PROS1: variants seen among roughly 807,000 people sequenced by gnomAD.
The protein encoded by PROS1 is protein S, also known as vitamin K-dependent protein S.
Under a neutral mutation model 75.9 loss-of-function variants are expected in PROS1, and 29 were observed. The ratio of observed to expected loss-of-function variants is 0.38; its 90% confidence interval spans 0.28 to 0.52. PROS1 has a LOEUF of 0.52. Ranked by LOEUF, PROS1 falls within the 20% of genes least tolerant of loss-of-function variation. The pLI is 0.83. For missense variants in PROS1, 680 were observed against 810.3 expected, an observed-to-expected ratio of 0.84 and a Z score of 1.95; for synonymous variants, 245 against 280.6, an observed-to-expected ratio of 0.87 and a Z score of 1.27.
chr3:93,958,101 T>A (rs1330851935), intron 1 of PROS1, among the ~76,000 whole-genome samples: 3 of 151,758 alleles, frequency 2.0e-5, no homozygotes, highest in African/African-American at 7.2e-5. Context: ...AAAATAATAA[T>A]AATAAAATAA....
At chr3:93,917,836 G>A (rs1180787471) in intron 3 of PROS1, among the ~76,000 whole-genome samples, 3 of 152,148 alleles carry the variant, frequency 2.0e-5, no homozygotes, top group Non-Finnish European at 4.4e-5. Flanking sequence ...GGCAGGGTTC[G>A]GGACCTGCAG....
chr3:93,956,505 T>G (rs1709601435), intron 1 of PROS1, among the ~76,000 whole-genome samples: 1 of 147,260 alleles, frequency 6.8e-6, no homozygotes, highest in Non-Finnish European at 1.5e-5. Context: ...TGTCTCTCTC[T>G]CTCTCTGTCT....
intron 4 of PROS1, 44 bp from the exon 5 acceptor site, chr3:93,906,187 T>C (rs1708673484): frequency 6.2e-7 from 1 of 1,604,246 alleles, no homozygotes; most frequent in Non-Finnish European, 8.5e-7. Context: ...TCTCATGTCA[T>C]GGAAAAATAA....
At chr3:93,903,816 T>C (rs1472808671) in intron 6 of PROS1, among the ~76,000 whole-genome samples, 2 of 147,142 alleles carry the variant, frequency 1.4e-5, no homozygotes, top group African/African-American at 5.0e-5. Context: ...AATGACAGTC[T>C]TTTTTTTTTT....
At chr3:93,904,709 C>G (rs894688415) in intron 6 of PROS1, among the ~76,000 whole-genome samples, 1 of 151,560 alleles carries the variant, frequency 6.6e-6, no homozygotes, top group Non-Finnish European at 1.5e-5. Flanking sequence ...AATTTTAAGT[C>G]CAGGTGGGAA....
At chr3:93,927,224 A>T (rs758194691) in intron 2 of PROS1, 26 bp downstream of exon 2, 2 of 1,612,008 alleles carry the variant, frequency 1.2e-6, no homozygotes, top group Non-Finnish European at 1.7e-6. Context: ...AGATGTGTGA[A>T]CTTGATAGTT....
At chr3:93,970,859 C>G (rs1054849871) in intron 1 of PROS1, among the ~76,000 whole-genome samples, 2 of 152,062 alleles carry the variant, frequency 1.3e-5, no homozygotes, top group Non-Finnish European at 2.9e-5. Flanking sequence ...TATAAGCCAG[C>G]CATGGTGGTG....
rs1192756928 is a variant in PROS1 at position 93,911,003 on chromosome 3, T to C, written c.260-298A>G. On this transcript the variant is annotated intron_variant, in intron 3 of 14. Coordinates refer to ENST00000394236, the MANE Select transcript of PROS1 (RefSeq NM_000313.4). ...CTTGATTTAGCATAGAAATTTATTG[T>C]CATATAAGTCTATGTTTTTAATTCC... is the stretch of plus-strand genomic sequence containing the variant. 8.5e-6 allele frequency: 3 copies of C among 352,086 alleles called. No homozygotes were observed. The East Asian group carries it at 2.0e-4, about 23-fold the overall frequency. 21.8% of individuals were successfully genotyped at this position (352,086 alleles called of 1,614,324 possible). A position where few individuals can be genotyped will look rare whatever the true frequency, so the allele number is the denominator to read the frequency against.
At chr3:93,953,694 T>C (rs777849296) in intron 1 of PROS1, among the ~76,000 whole-genome samples, 16 of 152,110 alleles carry the variant, frequency 1.1e-4, no homozygotes, top group Non-Finnish European at 2.4e-4. Flanking sequence ...TCTCACCACT[T>C]GTATTCAAAA....
At chr3:93,911,048 G>T (rs1030716139) in intron 3 of PROS1, 5 of 294,058 alleles carry the variant, frequency 1.7e-5, no homozygotes, top group Middle Eastern at 1.2e-3. Flanking sequence ...ACAAGATGTT[G>T]CCCTCAAATC....
chr3:93,964,028 T>G (rs1003911625), intron 1 of PROS1, among the ~76,000 whole-genome samples: 25 of 152,236 alleles, frequency 1.6e-4, no homozygotes, highest in African/African-American at 6.0e-4. Flanking sequence ...AAATTAATAC[T>G]TTTATAATTT....
intron 14 of PROS1, among the ~76,000 whole-genome samples, chr3:93,876,714 A>G (rs1708194831): frequency 6.6e-6 from 1 of 152,094 alleles, no homozygotes; most frequent in Non-Finnish European, 1.5e-5. Context: ...ATGAAATAAA[A>G]TAACATATCC....
chr3:93,884,952 A>G (rs1576175927), intron 11 of PROS1, 56 bp from the exon 12 acceptor site: 4 of 1,426,022 alleles, frequency 2.8e-6, no homozygotes, highest in Middle Eastern at 3.8e-4. Flanking sequence ...CAGTGGCTCG[A>G]TTATGAGTAT....
chr3:93,973,776 G>C lies in PROS1; in HGVS notation c.-27C>G. The C allele has an allele frequency of 6.3e-7, 1 of 1,596,634 alleles. No homozygotes were observed. Among genetic ancestry groups the C allele is most frequent in the East Asian group, 2.3e-5 (1 of 44,282 alleles). Reference sequence around the variant, plus strand: ...TCGAAGCGCGCGGAGGCGCCGGCAGGGACGGTGGCGCGTCGCGGCGGGGAC... The same window carrying C: ...TCGAAGCGCGCGGAGGCGCCGGCAGCGACGGTGGCGCGTCGCGGCGGGGAC... On this transcript the variant is annotated 5_prime_UTR_variant, in exon 1 of 15. Coordinates refer to ENST00000394236, the MANE Select transcript of PROS1 (RefSeq NM_000313.4).
intron 4 of PROS1, among the ~76,000 whole-genome samples, chr3:93,908,332 G>T (rs1004156515): frequency 3.9e-5 from 6 of 152,204 alleles, no homozygotes; most frequent in African/African-American, 1.2e-4. Context: ...ACCTACAATT[G>T]GACCACATTA....
At chr3:93,954,498 A>G (rs1189234806) in intron 1 of PROS1, among the ~76,000 whole-genome samples, 4 of 152,142 alleles carry the variant, frequency 2.6e-5, no homozygotes, top group Non-Finnish European at 5.9e-5. Flanking sequence ...TTTAATAAAT[A>G]GTGCCGGGAA....
At chr3:93,879,665 C>T (rs543016130) in intron 12 of PROS1, among the ~76,000 whole-genome samples, 13 of 152,120 alleles carry the variant, frequency 8.5e-5, no homozygotes, top group South Asian at 2.1e-4. Context: ...TCCAAGCACA[C>T]GTTTGAAAAT....
In PROS1 at chr3:93,896,878, C is replaced by T. The variant is rs1708509204; in HGVS notation, c.850-187G>A. ...CCATTTCCTTGTATAGTCTATCTAT[C>T]AGTATAACCTCCAAGAATACATGTG... On this transcript the variant is annotated intron_variant, in intron 8 of 14. Coordinates refer to ENST00000394236, the MANE Select transcript of PROS1 (RefSeq NM_000313.4). Among the ~76,000 whole-genome samples the T allele has an allele frequency of 2.6e-5, 4 of 152,190 alleles. No homozygotes were observed. The South Asian group carries it at 6.2e-4, about 24-fold the overall frequency.
chr3:93,941,722 G>A (rs1709291140), intron 1 of PROS1, among the ~76,000 whole-genome samples: 1 of 152,108 alleles, frequency 6.6e-6, no homozygotes, highest in South Asian at 2.1e-4. Flanking sequence ...TAGCCTTTTT[G>A]TCCAAACAAC....
Sources: gnomAD v4.1 joint callset for allele counts (sites outside exome capture counted in the v4.1 genomes callset) on GRCh38, gnomAD v4.1.1 for gene constraint, MANE v1.5 for transcripts, NCBI Gene and HGNC (gene_info 2026-07-23, HGNC 2026-07-21) for gene names.